Variants in ANXA6 observed in about 807,000 individuals in gnomAD.
ANXA6 encodes the protein annexin A6.
Under a neutral mutation model 95.4 loss-of-function variants are expected in ANXA6, and 71 were observed. The ratio of observed to expected loss-of-function variants is 0.74; its 90% CI spans 0.61 to 0.91. The LOEUF is 0.91. Among genes scored for constraint, ANXA6 ranks in the 40% least tolerant of loss-of-function variants. The pLI, the probability that ANXA6 is intolerant of heterozygous loss-of-function variation, is 0.00. For missense variants in ANXA6, 830 were observed against 876.4 expected, an observed-to-expected ratio of 0.95 and a Z score of 0.67; for synonymous variants, 289 against 315.9, an observed-to-expected ratio of 0.91 and a Z score of 0.90.
Position 151,101,024 on chromosome 5 carries a change from C to G in ANXA6, c.*424G>C, listed in dbSNP as rs1277139664. 3 of 463,402 alleles carry G rather than the reference C, an allele frequency of 6.5e-6. No homozygotes were observed. Among genetic ancestry groups the G allele is most frequent in the Non-Finnish European group, 4.3e-6 (1 of 231,922 alleles). 28.7% of individuals were successfully genotyped at this position (463,402 alleles called of 1,614,324 possible). Reference sequence around the variant, plus strand: ...TTGTCAGTTTGCCCCAGCACATTTACTATCCTTCCCACCACCCCGCCCAGC... The same window carrying G: ...TTGTCAGTTTGCCCCAGCACATTTAGTATCCTTCCCACCACCCCGCCCAGC... On this transcript the variant is annotated 3_prime_UTR_variant, in exon 26 of 26. Coordinates refer to ENST00000354546, the MANE Select transcript of ANXA6 (RefSeq NM_001155.5).
chr5:151,127,345 T>TC (rs1765353537), intron 13 of ANXA6, among the ~76,000 whole-genome samples: 2 of 152,234 alleles, frequency 1.3e-5, no homozygotes, highest in Admixed American at 1.3e-4. Context: ...CGCAGCCTGT[T>TC]CCCTTTCTCA....
intron 1 of ANXA6, among the ~76,000 whole-genome samples, chr5:151,156,547 G>T (rs531430375): frequency 3.3e-5 from 5 of 152,172 alleles, no homozygotes; most frequent in Admixed American, 6.5e-5. Flanking sequence ...GGGCAAGGGG[G>T]AAGGAATAAT....
At position 151,100,729 on chromosome 5, in the gene ANXA6, CTTT is replaced by C. The variant is rs1295076118; in HGVS notation, c.*716_*718del. ...AATGTGTTTATGTGTTTGTGTATCT[CTTT>C]TTATTTCTTCCTTAGAAATAAAAAG... On this transcript the variant is annotated 3_prime_UTR_variant, in exon 26 of 26. Transcript: ENST00000354546. 1 of 381,218 alleles carries C rather than the reference CTTT, an allele frequency of 2.6e-6. No individual in the cohort carries two copies. Among genetic ancestry groups the C allele is most frequent in the African/African-American group, 2.1e-5 (1 of 47,552 alleles). 23.6% of individuals were successfully genotyped at this position (381,218 alleles called of 1,614,324 possible).
intron 9 of ANXA6, 81 bp from the exon 10 acceptor site, chr5:151,132,652 G>A: frequency 8.2e-7 from 1 of 1,212,206 alleles, no homozygotes; most frequent in Non-Finnish European, 1.2e-6. Context: ...GAGCAGGGGG[G>A]CACAGTGGCC....
At chr5:151,109,628 G>A (rs1326624801) in intron 22 of ANXA6, 125 bp downstream of exon 22, 5 of 711,602 alleles carry the variant, frequency 7.0e-6, no homozygotes, top group East Asian at 2.8e-5. Context: ...CCCATGACAC[G>A]CTACTGCTGG....
intron 17 of ANXA6, 43 bp from the exon 18 acceptor site, chr5:151,119,433 C>T (rs74858615): frequency 1.3e-6 from 2 of 1,581,092 alleles, no homozygotes; most frequent in Admixed American, 3.3e-5. Flanking sequence ...TAGTTCTGAC[C>T]TCCTGTGCAG....
chr5:151,151,523 G>T (rs1766105648), intron 1 of ANXA6: 1 of 152,196 alleles, frequency 6.6e-6, no homozygotes, highest in Non-Finnish European at 1.5e-5. Flanking sequence ...ACCAGGAAGA[G>T]TCCAAAGAAT....
chr5:151,101,387 G>T lies in ANXA6; in HGVS notation c.*61C>A. The T allele has an allele frequency of 7.7e-7, 1 of 1,298,178 alleles. No homozygotes were observed. The highest frequency in any genetic ancestry group is 1.1e-6 in the Non-Finnish European group (1 of 928,284). 80.4% of individuals were successfully genotyped at this position (1,298,178 alleles called of 1,614,324 possible). A position where few individuals can be genotyped will look rare whatever the true frequency, so the allele number is the denominator to read the frequency against. The stretch of plus-strand genomic sequence containing the variant: ...CTCTGGAGCTGGAACAATCAGGCTT[G>T]GCCATGGCGGCTGGTGCTGATAACC... On this transcript the variant is annotated 3_prime_UTR_variant, in exon 26 of 26. Transcript: ENST00000354546.
chr5:151,108,360 G>T, intron 23 of ANXA6, 95 bp downstream of exon 23: 1 of 1,143,092 alleles, frequency 8.7e-7, no homozygotes, highest in Non-Finnish European at 1.3e-6. Flanking sequence ...TTACTTTCCA[G>T]TAGTAGCTTC....
At position 151,133,169 on chromosome 5, in the gene ANXA6, C is replaced by T. The variant is rs1281762139; in HGVS notation, c.565G>A (p.Glu189Lys). 1 of 1,591,164 alleles carries T rather than the reference C, an allele frequency of 6.3e-7. No individual in the cohort carries two copies. The highest frequency in any genetic ancestry group is 8.6e-7 in the Non-Finnish European group (1 of 1,168,100). ...GCTTCATCTGTTCCCCATTTCAGTTCCCCTGCCTCGTATAGGTCCTGAAGG... is the reference window on the plus strand; with the variant it reads ...GCTTCATCTGTTCCCCATTTCAGTTTCCCTGCCTCGTATAGGTCCTGAAGG... ...QDVQDLYEAG[E>K]LKWGTDEAQF... is the part of the protein sequence containing the mutation. Residue 189 changes from glutamate to lysine, a missense_variant, in exon 9 of 26, where the codon GAA (glutamate) becomes AAA (lysine). By Grantham distance (56) the Glu-to-Lys change is moderately conservative. Coordinates refer to ENST00000354546, the MANE Select transcript of ANXA6 (RefSeq NM_001155.5).
intron 1 of ANXA6, among the ~76,000 whole-genome samples, chr5:151,152,109 G>A (rs939738671): frequency 7.2e-5 from 11 of 152,330 alleles, no homozygotes; most frequent in Admixed American, 3.3e-4. Flanking sequence ...TTTTATCCAA[G>A]TCATGTGAAG....
chr5:151,122,261 C>T lies in ANXA6; in HGVS notation c.1234-1G>A. The T allele has an allele frequency of 6.3e-7, 1 of 1,587,450 alleles. No homozygotes were observed. The highest frequency in any genetic ancestry group is 8.6e-7 in the Non-Finnish European group (1 of 1,162,332). On this transcript the variant is annotated splice_acceptor_variant, in intron 16 of 25. Transcript: ENST00000354546. LOFTEE classifies it high-confidence loss of function. Reference sequence around the variant, plus strand: ...CAGACTTCAGGTCAGTCATTAAGTCCTGCAAAGGGCAGAGCCACAGTCATG... The same window carrying T: ...CAGACTTCAGGTCAGTCATTAAGTCTTGCAAAGGGCAGAGCCACAGTCATG...
At chr5:151,111,353 C>T (rs1184945648) in intron 20 of ANXA6, among the ~76,000 whole-genome samples, 4 of 152,182 alleles carry the variant, frequency 2.6e-5, no homozygotes, top group Admixed American at 1.3e-4. Flanking sequence ...TTGCTTTCGC[C>T]GTTCCCCCAG....
chr5:151,150,396 T>C (rs114231603), intron 1 of ANXA6, among the ~76,000 whole-genome samples: 1 of 152,170 alleles, frequency 6.6e-6, no homozygotes, highest in Non-Finnish European at 1.5e-5. Flanking sequence ...CTAAGTTATG[T>C]CAAAGGCAGC....
Position 151,110,371 on chromosome 5 carries a change from G to A in ANXA6, c.1590+256C>T, listed in dbSNP as rs78766871. ...AGTAAATTCCCCTTAACTCATTTTG[G>A]GTTTAAGAGTGAGTCGATTTAAAGA... On this transcript the variant is annotated intron_variant, in intron 21 of 25. Coordinates refer to ENST00000354546, the MANE Select transcript of ANXA6 (RefSeq NM_001155.5). 9.5e-3 allele frequency among the ~76,000 whole-genome samples: 1,441 copies of A among 152,264 alleles called. 20 individuals carry two copies. The highest frequency in any genetic ancestry group is 0.033 in the African/African-American group (1,377 of 41,538).
intron 1 of ANXA6, among the ~76,000 whole-genome samples, chr5:151,152,569 G>A (rs533184636): frequency 9.2e-5 from 14 of 152,292 alleles, no homozygotes; most frequent in African/African-American, 1.7e-4. Context: ...TTTAACAAAC[G>A]GTGACTTCTG....
At chr5:151,122,800 G>C in intron 16 of ANXA6, 117 bp downstream of exon 16, 1 of 828,372 alleles carries the variant, frequency 1.2e-6, no homozygotes, top group Non-Finnish European at 2.0e-6. Context: ...GACCACACAG[G>C]GTCCCTCTGC....
chr5:151,108,322 C>T, intron 23 of ANXA6, 133 bp downstream of exon 23: 1 of 787,170 alleles, frequency 1.3e-6, no homozygotes, highest in East Asian at 2.5e-5. Context: ...CATTTGGCAG[C>T]ACCCCTGGAG....
chr5:151,115,976 T>C (rs1764987327), intron 20 of ANXA6, among the ~76,000 whole-genome samples: 1 of 152,248 alleles, frequency 6.6e-6, no homozygotes, highest in Admixed American at 6.5e-5. Flanking sequence ...TAGAAATTCT[T>C]TCATTGAAGA....
Sources: allele counts gnomAD v4.1 joint callset (sites outside exome capture counted in the v4.1 genomes callset), GRCh38; gene constraint gnomAD v4.1.1; transcripts MANE v1.5; gene names NCBI Gene and HGNC (gene_info 2026-07-23, HGNC 2026-07-21).